Variants in SUPT16H observed in about 807,000 individuals in gnomAD.
The protein encoded by SUPT16H is SPT16 homolog, facilitates chromatin remodeling subunit, also known as FACT complex subunit SPT16.
Under a neutral mutation model 136.2 loss-of-function variants are expected in SUPT16H, and 24 were observed. The observed-to-expected ratio is 0.18, with a 90% confidence interval of 0.13 to 0.25. The LOEUF (loss-of-function observed/expected upper bound fraction) is 0.25, where lower values mean the gene tolerates loss of function less well. SUPT16H is among the 10% of genes least tolerant of loss of function. The pLI, the probability that SUPT16H is intolerant of heterozygous loss-of-function variation, is 1.00. For synonymous variants in SUPT16H, 415 were observed against 428.2 expected (o/e 0.97, Z 0.38); for missense variants, 623 against 1,270.2 (o/e 0.49, Z 7.74).
chr14:21,371,954 A>G lies in SUPT16H; in HGVS notation c.250T>C (p.Phe84Leu). 2 of 1,613,856 alleles carry G rather than the reference A, an allele frequency of 1.2e-6. No homozygotes were observed. The highest frequency in any genetic ancestry group is 1.7e-6 in the Non-Finnish European group (2 of 1,179,960). Residue 84 changes from phenylalanine to leucine, a missense_variant, in exon 3 of 26, where the codon TTC becomes CTC. By Grantham distance (22) the Phe-to-Leu change is conservative. This residue lies in a region of SUPT16H where 343 missense variants were observed against 525.7 expected (regional missense o/e 0.65). Transcript: ENST00000216297. Reference sequence around the variant, plus strand: ...TTAGTGTTGGCAATCTGTTTCAAGAACTCCACTTTTTTCTTGCTGGCCATA... The same window carrying G: ...TTAGTGTTGGCAATCTGTTTCAAGAGCTCCACTTTTTTCTTGCTGGCCATA... The part of the protein sequence containing the change: ...IFMASKKKVE[F>L]LKQIANTKGN...
intron 1 of SUPT16H, 47 bp from the exon 2 acceptor site, chr14:21,373,477 C>G: frequency 7.6e-7 from 1 of 1,312,922 alleles, no homozygotes; most frequent in Non-Finnish European, 1.1e-6. Flanking sequence ...ACTAGCAAAA[C>G]AGGAATACAG....
chr14:21,372,117 AATACTT>A, intron 2 of SUPT16H, 73 bp from the exon 3 acceptor site: 1 of 1,463,868 alleles, frequency 6.8e-7, no homozygotes, highest in Non-Finnish European at 9.1e-7. Flanking sequence ...GATATACAGA[AATACTT>A]ATAGACAAAA....
Position 21,352,631 on chromosome 14 carries a change from T to G in SUPT16H, c.*42A>C. The stretch of plus-strand genomic sequence containing the variant: ...CTATGTCATGTAAAATTTTCAGGGG[T>G]TGGCTGGAGGAAGAATGGAGCTCAG... On this transcript the variant is annotated 3_prime_UTR_variant, in exon 26 of 26. Coordinates refer to ENST00000216297, the MANE Select transcript of SUPT16H (RefSeq NM_007192.4). 6.2e-7 allele frequency: 1 copy of G among 1,609,874 alleles called. No homozygotes were observed. The highest frequency in any genetic ancestry group is 8.5e-7 in the Non-Finnish European group (1 of 1,178,654).
intron 22 of SUPT16H, among the ~76,000 whole-genome samples, chr14:21,355,513 T>TAAAAAAAAAAAAAAAAAAAAA (rs59639210): frequency 8.8e-6 from 1 of 113,614 alleles, no homozygotes; most frequent in Non-Finnish European, 1.8e-5. Context: ...ATAATAATAA[T>TAAAAAAAAAAAAAAAAAAAAA]AAAAAAAAAA....
chr14:21,362,639 AAGG>A (rs1886581206), intron 14 of SUPT16H, among the ~76,000 whole-genome samples, 152 bp downstream of exon 14: 1 of 152,190 alleles, frequency 6.6e-6, no homozygotes, highest in Non-Finnish European at 1.5e-5. Flanking sequence ...CTGAAAGAGG[AAGG>A]AGAATGACAA....
At chr14:21,380,385 C>T (rs771225495) in intron 1 of SUPT16H, among the ~76,000 whole-genome samples, 1 of 147,518 alleles carries the variant, frequency 6.8e-6, no homozygotes, top group African/African-American at 2.5e-5. Context: ...ATCCTTCCAC[C>T]TCAGCCTCTG....
At position 21,363,523 on chromosome 14, in the gene SUPT16H, G is replaced by T. The variant is rs1868952958; in HGVS notation, c.1234-20C>A. On this transcript the variant is annotated intron_variant, in intron 10 of 25. Transcript: ENST00000216297. ...GCCATCCTAGAATTAAAAGGAGAAT[G>T]AAGACACATTATTTAAAAGAGGCAA... is the stretch of plus-strand genomic sequence containing the variant. 1 of 1,606,618 alleles carries T rather than the reference G, an allele frequency of 6.2e-7. No individual in the cohort carries two copies. The highest frequency in any genetic ancestry group is 8.5e-7 in the Non-Finnish European group (1 of 1,177,238).
chr14:21,373,557 G>C, intron 1 of SUPT16H, 127 bp from the exon 2 acceptor site: 1 of 732,392 alleles, frequency 1.4e-6, no homozygotes, highest in East Asian at 2.6e-5. Flanking sequence ...GTACATGCCT[G>C]TTTGGCAGTC....
At chr14:21,361,984 T>C (rs889937351) in intron 15 of SUPT16H, among the ~76,000 whole-genome samples, 5 of 152,182 alleles carry the variant, frequency 3.3e-5, no homozygotes, top group Non-Finnish European at 5.9e-5. Flanking sequence ...GCTCAAAATA[T>C]GTTTAGTAAA....
chr14:21,354,295 T>G (rs1442670857), intron 23 of SUPT16H, 116 bp downstream of exon 23: 4 of 1,262,520 alleles, frequency 3.2e-6, no homozygotes, highest in Non-Finnish European at 4.2e-6. Flanking sequence ...TCAAGTGGTG[T>G]TTAGAGCTTC....
In SUPT16H at chr14:21,366,649, C is replaced by T. The variant is rs574689054; in HGVS notation, c.956-120G>A. 5.3e-5 allele frequency: 38 copies of T among 710,968 alleles called. No individual in the cohort carries two copies. In the African/African-American group the frequency reaches 9.5e-4, roughly 18 times the overall value. 44.0% of individuals were successfully genotyped at this position (710,968 alleles called of 1,614,324 possible). A position where few individuals can be genotyped will look rare whatever the true frequency, so the allele number is the denominator to read the frequency against. ...TTTCTCAAAGTGTGAACTAAACAGT[C>T]CACTCACTTTTTTTTTTTGAGACAA... On this transcript the variant is annotated intron_variant, in intron 7 of 25. Transcript: ENST00000216297.
Position 21,354,404 on chromosome 14 carries a change from C to CA in SUPT16H, c.2790+6dup, listed in dbSNP as rs1210103811. The CA allele has an allele frequency of 6.2e-7, 1 of 1,613,710 alleles. No homozygotes were observed. The highest frequency in any genetic ancestry group is 8.5e-7 in the Non-Finnish European group (1 of 1,179,772). ...TGTACCAGAAAAGAAACCCCACACT[C>CA]ACGCACCTCACCCTCAGGCTCCAGG... On this transcript the variant is annotated splice_region_variant and intron_variant, in intron 23 of 25. Coordinates refer to ENST00000216297, the MANE Select transcript of SUPT16H (RefSeq NM_007192.4).
chr14:21,357,913 T>A lies in SUPT16H; in HGVS notation c.2490+14A>T, dbSNP rs747560674. 4 of 1,610,772 alleles carry A rather than the reference T, an allele frequency of 2.5e-6. No homozygotes were observed. In the Admixed American group the frequency reaches 5.0e-5, roughly 20 times the overall value. On this transcript the variant is annotated intron_variant, in intron 21 of 25. Coordinates refer to ENST00000216297, the MANE Select transcript of SUPT16H (RefSeq NM_007192.4). ...TAACAATTTTCTTACTAAAAGAAAG[T>A]AAGAAACACTCACCCATTCCGTAGC...
At chr14:21,370,143 C>T (rs765879175) in intron 4 of SUPT16H, among the ~76,000 whole-genome samples, 193 bp downstream of exon 4, 8 of 152,086 alleles carry the variant, frequency 5.3e-5, no homozygotes, top group South Asian at 4.2e-4. Flanking sequence ...GCCCTCTAGA[C>T]GTTTTTTGTA....
At chr14:21,372,265 A>G (rs550888718) in intron 2 of SUPT16H, 2 of 498,854 alleles carry the variant, frequency 4.0e-6, no homozygotes, top group South Asian at 5.7e-5. Flanking sequence ...TATTTTCTCT[A>G]CGTTTATATG....
Position 21,353,722 on chromosome 14 carries a change from T to G in SUPT16H, c.2901A>C (p.Ser967=). The G allele has an allele frequency of 6.2e-7, 1 of 1,613,646 alleles. No individual in the cohort carries two copies. The highest frequency in any genetic ancestry group is 8.5e-7 in the Non-Finnish European group (1 of 1,179,810). The part of the protein sequence containing the change: ...EEEEDSDEDY[S]SEAEESDYSK... Reference sequence around the variant, plus strand: ...ACTAACCTGACTCTTCTGCTTCTGATGAATAATCTTCATCACTGTCCTCCT... The same window carrying G: ...ACTAACCTGACTCTTCTGCTTCTGAGGAATAATCTTCATCACTGTCCTCCT... The change falls in exon 24 of 26, where the codon TCA becomes TCC. Residue 967 remains serine (S), a synonymous_variant. Coordinates refer to ENST00000216297, the MANE Select transcript of SUPT16H (RefSeq NM_007192.4).
At chr14:21,383,828 G>C (rs1374296067) in intron 1 of SUPT16H, 34 bp downstream of exon 1, 1 of 1,612,858 alleles carries the variant, frequency 6.2e-7, no homozygotes, top group African/African-American at 1.3e-5. Flanking sequence ...TGGCTAAGGG[G>C]GCTCCCTAGG....
intron 1 of SUPT16H, chr14:21,383,031 CA>C (rs770882810): frequency 2.0e-5 from 3 of 152,244 alleles, no homozygotes; most frequent in Non-Finnish European, 4.4e-5. Flanking sequence ...TGACAGGGTT[CA>C]GGGGCAAGAC....
chr14:21,359,657 A>G, intron 18 of SUPT16H, 48 bp from the exon 19 acceptor site: 1 of 1,593,530 alleles, frequency 6.3e-7, no homozygotes, highest in Non-Finnish European at 8.5e-7. Context: ...ACACAAAGGT[A>G]TCTGTGATGG....
Sources: allele counts gnomAD v4.1 joint callset (sites outside exome capture counted in the v4.1 genomes callset), GRCh38; gene constraint gnomAD v4.1.1; regional missense constraint gnomAD v4.1.1; transcripts MANE v1.5; gene names NCBI Gene and HGNC (gene_info 2026-07-23, HGNC 2026-07-21).